SPIDR: variants seen among roughly 807,000 people sequenced by gnomAD.
The protein encoded by SPIDR is scaffold protein involved in DNA repair.
A neutral mutation model predicts 104.6 loss-of-function variants in SPIDR; 93 were observed. The ratio of observed to expected loss-of-function variants is 0.89; its 90% CI spans 0.75 to 1.06. The LOEUF (loss-of-function observed/expected upper bound fraction) is 1.06, where lower values mean the gene tolerates loss of function less well. Among genes scored for constraint, SPIDR ranks in the 50% least tolerant of loss-of-function variants. The probability of loss-of-function intolerance (pLI) is 0.00; values close to 1 mark genes in which losing one functional copy is unlikely to be tolerated. For missense variants in SPIDR, 1,154 were observed against 1,111.2 expected (o/e 1.04, Z -0.55); for synonymous variants, 431 against 416.9 (o/e 1.03, Z -0.41).
chr8:47,610,169 TAA>T (rs1156686162), intron 10 of SPIDR, among the ~76,000 whole-genome samples: 1 of 152,112 alleles, frequency 6.6e-6, no homozygotes, highest in Non-Finnish European at 1.5e-5. Flanking sequence ...CTTTTGTTCC[TAA>T]AAGAGACTGG....
intron 11 of SPIDR, among the ~76,000 whole-genome samples, chr8:47,699,819 T>G (rs2079886401): frequency 6.6e-6 from 1 of 152,232 alleles, no homozygotes; most frequent in African/African-American, 2.4e-5. Context: ...CCTCCCAAAG[T>G]GCTGGGATTA....
chr8:47,287,069 C>T (rs1432937209), intron 3 of SPIDR, among the ~76,000 whole-genome samples: 2 of 152,122 alleles, frequency 1.3e-5, no homozygotes, highest in African/African-American at 4.8e-5. Context: ...GGGGTGACAT[C>T]ACATAACAGT....
intron 8 of SPIDR, among the ~76,000 whole-genome samples, chr8:47,488,336 G>A (rs1236604306): frequency 2.0e-5 from 3 of 152,114 alleles, no homozygotes; most frequent in African/African-American, 7.2e-5. Context: ...CCAATAACAG[G>A]CTCTGAAATT....
chr8:47,600,230 G>A (rs1478437922), intron 10 of SPIDR, among the ~76,000 whole-genome samples: 2 of 152,172 alleles, frequency 1.3e-5, no homozygotes, highest in African/African-American at 4.8e-5. Context: ...AATCATCCTG[G>A]CCGGGCATGG....
chr8:47,340,182 A>G (rs979407712), intron 5 of SPIDR, among the ~76,000 whole-genome samples: 18 of 152,092 alleles, frequency 1.2e-4, no homozygotes, highest in African/African-American at 4.3e-4. Flanking sequence ...AAAAGAGGTT[A>G]TGGGCTTTAT....
intron 8 of SPIDR, among the ~76,000 whole-genome samples, chr8:47,480,757 A>G (rs1378104067): frequency 6.6e-6 from 1 of 152,182 alleles, no homozygotes; most frequent in Non-Finnish European, 1.5e-5. Context: ...TCCTGTCCAG[A>G]TGAGCCAAGT....
intron 7 of SPIDR, among the ~76,000 whole-genome samples, chr8:47,432,523 G>A (rs188154944): frequency 6.6e-6 from 1 of 152,156 alleles, no homozygotes; most frequent in South Asian, 2.1e-4. Context: ...TGATCCAGGT[G>A]CAACACAGAG....
intron 8 of SPIDR, among the ~76,000 whole-genome samples, chr8:47,589,096 G>A (rs963669027): frequency 2.3e-5 from 3 of 127,922 alleles, no homozygotes; most frequent in African/African-American, 8.7e-5. Flanking sequence ...AAAAGGGATT[G>A]GAAGTGTTTC....
At chr8:47,317,166 C>A (rs1198587574) in intron 5 of SPIDR, among the ~76,000 whole-genome samples, 2 of 152,164 alleles carry the variant, frequency 1.3e-5, no homozygotes, top group African/African-American at 4.8e-5. Context: ...TCACCTCACC[C>A]AGGAAGCGCA....
At chr8:47,670,825 T>G (rs1452649478) in intron 10 of SPIDR, among the ~76,000 whole-genome samples, 1 of 152,220 alleles carries the variant, frequency 6.6e-6, no homozygotes, top group Non-Finnish European at 1.5e-5. Context: ...TTTGGGTTGT[T>G]TGTATTTTTG....
At chr8:47,393,761 TTCTG>T (rs373044163) in intron 5 of SPIDR, among the ~76,000 whole-genome samples, 71 of 149,496 alleles carry the variant, frequency 4.7e-4, no homozygotes, top group African/African-American at 1.3e-3. Context: ...TTCTCTTTCT[TTCTG>T]TCTTTCTTTT....
intron 7 of SPIDR, among the ~76,000 whole-genome samples, chr8:47,422,965 C>T (rs2065808486): frequency 6.6e-6 from 1 of 152,052 alleles, no homozygotes; most frequent in Admixed American, 6.6e-5. Flanking sequence ...ACATATATCT[C>T]AAGATTCTTT....
At chr8:47,654,057 T>A (rs1401296249) in intron 10 of SPIDR, 1 of 1,289,454 alleles carries the variant, frequency 7.8e-7, no homozygotes, top group Non-Finnish European at 1.0e-6. Flanking sequence ...GATAGGGGCG[T>A]GGTAGCAGCA....
At chr8:47,382,752 G>A (rs1388978172) in intron 5 of SPIDR, among the ~76,000 whole-genome samples, 3 of 152,138 alleles carry the variant, frequency 2.0e-5, no homozygotes, top group Non-Finnish European at 4.4e-5. Flanking sequence ...TGATACTGTT[G>A]AATATCCACC....
At chr8:47,352,216 G>A (rs985568874) in intron 5 of SPIDR, among the ~76,000 whole-genome samples, 14 of 150,944 alleles carry the variant, frequency 9.3e-5, no homozygotes, top group South Asian at 8.4e-4. Flanking sequence ...GGCGGAGGTC[G>A]CAGTGAGCCA....
intron 8 of SPIDR, among the ~76,000 whole-genome samples, chr8:47,521,773 C>G (rs2084148134): frequency 1.3e-5 from 2 of 152,040 alleles, no homozygotes; most frequent in Non-Finnish European, 2.9e-5. Context: ...AAGAGAGATC[C>G]ATTTTGCATT....
intron 8 of SPIDR, among the ~76,000 whole-genome samples, chr8:47,539,820 G>A (rs1048677578): frequency 6.6e-6 from 1 of 152,074 alleles, no homozygotes; most frequent in African/African-American, 2.4e-5. Context: ...GAGACCTGCA[G>A]CCTTGTTAGG....
intron 5 of SPIDR, among the ~76,000 whole-genome samples, chr8:47,336,531 G>T (rs782312534): frequency 6.6e-6 from 1 of 152,068 alleles, no homozygotes. Flanking sequence ...GCTAGGGAGG[G>T]GCAAGGAAGC....
At chr8:47,628,652 C>G (rs768385693) in intron 10 of SPIDR, among the ~76,000 whole-genome samples, 15 of 152,064 alleles carry the variant, frequency 9.9e-5, no homozygotes, top group Non-Finnish European at 2.1e-4. Flanking sequence ...GTCCCATCCC[C>G]AAGATATCTT....
Sources: allele counts gnomAD v4.1 joint callset (sites outside exome capture counted in the v4.1 genomes callset), GRCh38; gene constraint gnomAD v4.1.1; transcripts MANE v1.5; gene names NCBI Gene and HGNC (gene_info 2026-07-23, HGNC 2026-07-21).